The following ZNF804B variants were observed in gnomAD, a reference collection of about 807,000 sequenced individuals.
The protein encoded by ZNF804B is zinc finger 804B.
In ZNF804B, 80 loss-of-function variants were observed where a neutral mutation model predicts 101.4. The ratio of observed to expected loss-of-function variants is 0.79; its 90% CI spans 0.66 to 0.95. The LOEUF is 0.95. Among genes scored for constraint, ZNF804B ranks in the 40% least tolerant of loss-of-function variants. The pLI is 0.00. For synonymous variants in ZNF804B, 622 were observed against 558.8 expected, an observed-to-expected ratio of 1.11 and a Z score of -1.59; for missense variants, 1,673 against 1,561.9, an observed-to-expected ratio of 1.07 and a Z score of -1.20.
chr7:88,866,902 T>C (rs1361267527), intron 1 of ZNF804B, among the ~76,000 whole-genome samples: 1 of 152,174 alleles, frequency 6.6e-6, no homozygotes, highest in East Asian at 1.9e-4. Context: ...CTAGAATTGA[T>C]TACAGTCAAG....
chr7:89,201,483 A>G (rs1255721184), intron 1 of ZNF804B, among the ~76,000 whole-genome samples: 3 of 151,980 alleles, frequency 2.0e-5, no homozygotes, highest in Non-Finnish European at 4.4e-5. Flanking sequence ...ATTGTACACT[A>G]CTTGGTTGAT....
intron 1 of ZNF804B, among the ~76,000 whole-genome samples, chr7:88,833,074 T>C (rs1014264039): frequency 6.6e-6 from 1 of 151,970 alleles, no homozygotes; most frequent in African/African-American, 2.4e-5. Context: ...TTTAACCTGT[T>C]GTAAATTTAT....
At chr7:88,786,732 T>G (rs181611056) in intron 1 of ZNF804B, among the ~76,000 whole-genome samples, 85 of 152,226 alleles carry the variant, frequency 5.6e-4, no homozygotes, top group Admixed American at 4.0e-3. Flanking sequence ...TGCTTGATAA[T>G]TCCAACAAAA....
At chr7:88,933,512 AATG>A (rs1385287245) in intron 1 of ZNF804B, among the ~76,000 whole-genome samples, 8 of 151,868 alleles carry the variant, frequency 5.3e-5, no homozygotes, top group Admixed American at 4.6e-4. Context: ...GCTAATCACC[AATG>A]ATATGATTGT....
At chr7:89,068,039 A>G (rs1237076447) in intron 1 of ZNF804B, among the ~76,000 whole-genome samples, 1 of 150,570 alleles carries the variant, frequency 6.6e-6, no homozygotes, top group African/African-American at 2.5e-5. Flanking sequence ...AAGATAATCC[A>G]TGCAAAATGC....
intron 1 of ZNF804B, among the ~76,000 whole-genome samples, chr7:88,769,508 A>G (rs894544044): frequency 9.9e-5 from 15 of 152,174 alleles, no homozygotes; most frequent in African/African-American, 1.7e-4. Flanking sequence ...GGTATATATA[A>G]ATTGGTGTAA....
intron 2 of ZNF804B, among the ~76,000 whole-genome samples, chr7:89,229,286 CT>C (rs1789150681): frequency 6.6e-6 from 1 of 152,306 alleles, no homozygotes; most frequent in Non-Finnish European, 1.5e-5. Context: ...ACGCTGTCAC[CT>C]CTCAATAGTT....
chr7:88,855,693 G>C (rs1346909120), intron 1 of ZNF804B, among the ~76,000 whole-genome samples: 4 of 152,210 alleles, frequency 2.6e-5, no homozygotes, highest in African/African-American at 9.7e-5. Flanking sequence ...CCTATGTCCT[G>C]AATGGTATTG....
Position 89,274,075 on chromosome 7 carries a change from A to G in ZNF804B, c.250-53269A>G, listed in dbSNP as rs1789938740. ...TTCCCCTGTGACTGATGACTATTCC[A>G]CAACCTCTCATCTCTACCAAAATCG... On this transcript the variant is annotated intron_variant, in intron 2 of 3. Transcript: ENST00000333190. Among the ~76,000 whole-genome samples the G allele has an allele frequency of 2.6e-5, 4 of 151,900 alleles. No individual in the cohort carries two copies. In the South Asian group the frequency reaches 8.3e-4, roughly 32 times the overall value.
chr7:89,020,740 T>C (rs1457962748), intron 1 of ZNF804B, among the ~76,000 whole-genome samples: 2 of 152,174 alleles, frequency 1.3e-5, no homozygotes, highest in Non-Finnish European at 2.9e-5. Context: ...CTGTAGGCTT[T>C]CTTTGTTTTT....
intron 1 of ZNF804B, among the ~76,000 whole-genome samples, chr7:88,839,903 A>T (rs1209301738): frequency 6.6e-6 from 1 of 152,108 alleles, no homozygotes; most frequent in Non-Finnish European, 1.5e-5. Flanking sequence ...AACATATAAT[A>T]TCTCACCTCC....
chr7:88,988,211 A>C (rs949883894), intron 1 of ZNF804B, among the ~76,000 whole-genome samples: 1 of 152,062 alleles, frequency 6.6e-6, no homozygotes, highest in Admixed American at 6.6e-5. Flanking sequence ...TACCACCAAG[A>C]AAAATAAAAA....
intron 2 of ZNF804B, among the ~76,000 whole-genome samples, chr7:89,228,497 C>A (rs1789131948): frequency 6.6e-6 from 1 of 151,850 alleles, no homozygotes; most frequent in African/African-American, 2.4e-5. Flanking sequence ...AGTGTCCACA[C>A]AAAGGTTCTC....
At position 89,338,243 on chromosome 7, in the gene ZNF804B, G is replaced by A. The variant is rs956505488; in HGVS notation, c.*1211G>A. 2.0e-5 allele frequency among the ~76,000 whole-genome samples: 3 copies of A among 151,986 alleles called. No homozygotes were observed. The highest frequency in any genetic ancestry group is 4.1e-4 in the South Asian group (2 of 4,830). ...ATCATTTATCTAATGCTGTCTATAC[G>A]AAGATGCAAACTCCTCTACCACTAG... On this transcript the variant is annotated 3_prime_UTR_variant, in exon 4 of 4. Transcript: ENST00000333190.
At chr7:89,056,281 C>T (rs535299637) in intron 1 of ZNF804B, among the ~76,000 whole-genome samples, 1 of 152,026 alleles carries the variant, frequency 6.6e-6, no homozygotes, top group South Asian at 2.1e-4. Flanking sequence ...AAATTGGGCC[C>T]AGTAAAGCCT....
At chr7:88,774,617 A>G (rs1790116974) in intron 1 of ZNF804B, among the ~76,000 whole-genome samples, 1 of 152,212 alleles carries the variant, frequency 6.6e-6, no homozygotes, top group South Asian at 2.1e-4. Flanking sequence ...CCTACTAAGT[A>G]TTTATTCTTC....
intron 1 of ZNF804B, among the ~76,000 whole-genome samples, chr7:88,938,422 G>A (rs1038092559): frequency 6.6e-6 from 1 of 151,974 alleles, no homozygotes; most frequent in Non-Finnish European, 1.5e-5. Flanking sequence ...GAACAACTTT[G>A]CGGGGCTATT....
rs1003569491 is a variant in ZNF804B at position 88,854,438 on chromosome 7, T to C, written c.108+94354T>C. Reference sequence around the variant, plus strand: ...TCCTTTCTTTCTTTCTTTCTTTCTTTCTTTCTTTCTTTCTTTCTTTCTTTC... The same window carrying C: ...TCCTTTCTTTCTTTCTTTCTTTCTTCCTTTCTTTCTTTCTTTCTTTCTTTC... On this transcript the variant is annotated intron_variant, in intron 1 of 3. Transcript: ENST00000333190. Among the ~76,000 whole-genome samples the C allele has an allele frequency of 3.7e-3, 463 of 123,524 alleles. 6 individuals are homozygous for C. Among genetic ancestry groups the C allele is most frequent in the African/African-American group, 0.014 (421 of 30,174 alleles). The allele number at this position is 123,524 out of a possible 152,430, so 81.0% of individuals were successfully genotyped here.
At chr7:89,045,249 A>C (rs1789087682) in intron 1 of ZNF804B, among the ~76,000 whole-genome samples, 1 of 152,230 alleles carries the variant, frequency 6.6e-6, no homozygotes, top group Non-Finnish European at 1.5e-5. Flanking sequence ...CAGACGACGT[A>C]TGGAAATGCC....
Sources: gnomAD v4.1 joint callset for allele counts (sites outside exome capture counted in the v4.1 genomes callset) on GRCh38, gnomAD v4.1.1 for gene constraint, MANE v1.5 for transcripts, NCBI Gene and HGNC (gene_info 2026-07-23, HGNC 2026-07-21) for gene names.